Variants in CLEC4C observed in about 807,000 individuals in gnomAD.
The protein encoded by CLEC4C is C-type lectin domain family 4 member C.
CLEC4C carries 17 observed loss-of-function variants against 27.7 expected under a neutral mutation model. That is an observed-to-expected ratio of 0.61 (90% CI 0.42 to 0.92). The LOEUF (loss-of-function observed/expected upper bound fraction) is 0.92, where lower values mean the gene tolerates loss of function less well. CLEC4C is among the 40% of genes least tolerant of loss of function. The probability of loss-of-function intolerance (pLI) is 0.00; values close to 1 mark genes in which losing one functional copy is unlikely to be tolerated. For missense variants in CLEC4C, 244 were observed against 257.3 expected (o/e 0.95, Z 0.35); for synonymous variants, 80 against 80.8 (o/e 0.99, Z 0.06).
intron 4 of CLEC4C, among the ~76,000 whole-genome samples, chr12:7,732,689 G>A (rs1371042066): frequency 6.6e-6 from 1 of 151,762 alleles, no homozygotes; most frequent in African/African-American, 2.4e-5. Flanking sequence ...ATGGCCAGGT[G>A]TGGTGGTTCA....
At chr12:7,737,385 G>T in intron 4 of CLEC4C, 44 bp downstream of exon 4, 1 of 1,389,996 alleles carries the variant, frequency 7.2e-7, no homozygotes, top group Non-Finnish European at 9.6e-7. Context: ...TATCAGTTAA[G>T]AAAGGAAACA....
chr12:7,733,287 G>A (rs1475104120), intron 4 of CLEC4C, among the ~76,000 whole-genome samples: 2 of 150,164 alleles, frequency 1.3e-5, no homozygotes, highest in Non-Finnish European at 3.0e-5. Flanking sequence ...TTTTGGAGGT[G>A]GAGTCTTGGT....
chr12:7,735,590 AG>A (rs1326808184), intron 4 of CLEC4C, among the ~76,000 whole-genome samples: 7 of 151,558 alleles, frequency 4.6e-5, no homozygotes, highest in African/African-American at 1.7e-4. Flanking sequence ...GCAGATCACG[AG>A]GTCAGGAGTT....
chr12:7,746,424 C>G lies in CLEC4C; in HGVS notation c.32-1G>C. On this transcript the variant is annotated splice_acceptor_variant, in intron 1 of 5. Transcript: ENST00000360345. LOFTEE classifies it high-confidence loss of function. The stretch of plus-strand genomic sequence containing the variant: ...AACTGGAACCACCAGAGTCCTTTCT[C>G]TGTCAGATCAGCATGACAAATGCAC... The G allele has an allele frequency of 6.2e-7, 1 of 1,605,398 alleles. No individual in the cohort carries two copies. The highest frequency in any genetic ancestry group is 8.5e-7 in the Non-Finnish European group (1 of 1,172,340).
chr12:7,741,558 CTCAT>C, intron 2 of CLEC4C, 27 bp from the exon 3 acceptor site: 1 of 1,248,644 alleles, frequency 8.0e-7, no homozygotes, highest in Non-Finnish European at 1.2e-6. Context: ...GGAGTTAGTT[CTCAT>C]TCTTTTAAGT....
rs190207905 is a variant in CLEC4C at position 7,736,819 on chromosome 12, T to C, written c.381+610A>G. 3.2e-3 allele frequency among the ~76,000 whole-genome samples: 493 copies of C among 151,836 alleles called. 1 individual carries two copies. Among genetic ancestry groups the C allele is most frequent in the African/African-American group, 0.011 (461 of 41,416 alleles). On this transcript the variant is annotated intron_variant, in intron 4 of 5. Transcript: ENST00000360345. Reference sequence around the variant, plus strand: ...AGCTACTTGGGAGGCAGGAGAATGGTGTGAACCCGGGAGGCTGAGCTTGCA... The same window carrying C: ...AGCTACTTGGGAGGCAGGAGAATGGCGTGAACCCGGGAGGCTGAGCTTGCA...
At chr12:7,733,481 CT>C (rs762051121) in intron 4 of CLEC4C, among the ~76,000 whole-genome samples, 197 of 119,822 alleles carry the variant, frequency 1.6e-3, no homozygotes, top group African/African-American at 2.1e-3. Context: ...CCAAGCTGGT[CT>C]TTTTTTTTTT....
At chr12:7,739,452 A>G (rs758169263) in intron 3 of CLEC4C, among the ~76,000 whole-genome samples, 1 of 147,688 alleles carries the variant, frequency 6.8e-6, no homozygotes, top group South Asian at 2.2e-4. Flanking sequence ...CTTTGGGTCC[A>G]TATTTCCTTC....
At position 7,737,613 on chromosome 12, in the gene CLEC4C, G is replaced by T. The variant is rs778091176; in HGVS notation, c.236-39C>A. ...TATAGAAGAAGAAAAAATATTAACA[G>T]AGAATTCTCCTCACATAAAGTTATA... is the stretch of plus-strand genomic sequence containing the variant. On this transcript the variant is annotated intron_variant, in intron 3 of 5. Coordinates refer to ENST00000360345, the MANE Select transcript of CLEC4C (RefSeq NM_001371390.1). The T allele has an allele frequency of 1.9e-6, 3 of 1,579,072 alleles. No individual in the cohort carries two copies. In the South Asian group the frequency reaches 3.4e-5, roughly 18 times the overall value.
chr12:7,733,606 C>A (rs1864650104), intron 4 of CLEC4C, among the ~76,000 whole-genome samples: 1 of 151,270 alleles, frequency 6.6e-6, no homozygotes, highest in Non-Finnish European at 1.5e-5. Flanking sequence ...CTCAGCCTCC[C>A]GAGTAGCTGG....
chr12:7,730,373 G>A (rs944890922), intron 5 of CLEC4C, among the ~76,000 whole-genome samples: 5 of 152,174 alleles, frequency 3.3e-5, no homozygotes, highest in African/African-American at 1.2e-4. Flanking sequence ...GGGGATGGTG[G>A]CTCACACCTG....
chr12:7,732,355 T>A (rs1458790320), intron 4 of CLEC4C, among the ~76,000 whole-genome samples: 2 of 150,250 alleles, frequency 1.3e-5, no homozygotes, highest in African/African-American at 2.5e-5. Flanking sequence ...TTTTTATTTT[T>A]TTTATTTATT....
chr12:7,740,871 C>T (rs898354299), intron 3 of CLEC4C, among the ~76,000 whole-genome samples: 15 of 149,766 alleles, frequency 1.0e-4, no homozygotes, highest in Admixed American at 4.7e-4. Context: ...GACGGAGTCT[C>T]GCTCTGTCAC....
intron 4 of CLEC4C, 54 bp from the exon 5 acceptor site, chr12:7,730,966 TG>T (rs1864584096): frequency 1.2e-6 from 1 of 850,992 alleles, no homozygotes; most frequent in Non-Finnish European, 2.0e-6. Context: ...CACCCTCATC[TG>T]GGACGAACAC....
At chr12:7,735,440 T>A (rs1864701044) in intron 4 of CLEC4C, among the ~76,000 whole-genome samples, 1 of 146,992 alleles carries the variant, frequency 6.8e-6, no homozygotes, top group South Asian at 2.2e-4. Context: ...GAAGCAGAGG[T>A]TGCAGTAAGC....
Position 7,729,555 on chromosome 12 carries a change from T to C in CLEC4C, c.*41A>G. ...AAATCAATTTAGCTTTCTACAACGG[T>C]GGATGCCAACCCAAACACATTTCCA... On this transcript the variant is annotated 3_prime_UTR_variant, in exon 6 of 6. Transcript: ENST00000360345. 1.3e-6 allele frequency: 2 copies of C among 1,590,454 alleles called. No homozygotes were observed. Among genetic ancestry groups the C allele is most frequent in the Non-Finnish European group, 1.7e-6 (2 of 1,164,598 alleles).
chr12:7,743,017 C>G (rs997345807), intron 2 of CLEC4C, among the ~76,000 whole-genome samples: 1 of 151,954 alleles, frequency 6.6e-6, no homozygotes, highest in Non-Finnish European at 1.5e-5. Flanking sequence ...AGTTTACATA[C>G]GTATATATCT....
At chr12:7,734,126 G>C (rs1442239609) in intron 4 of CLEC4C, among the ~76,000 whole-genome samples, 4 of 152,156 alleles carry the variant, frequency 2.6e-5, no homozygotes, top group African/African-American at 9.7e-5. Flanking sequence ...GAATGTACAT[G>C]AACATATACG....
At chr12:7,746,490 C>T in intron 1 of CLEC4C, 67 bp from the exon 2 acceptor site, 1 of 982,000 alleles carries the variant, frequency 1.0e-6, no homozygotes, top group South Asian at 1.4e-5. Context: ...AAACCAGAGT[C>T]CCAAAAATCT....
Sources: gnomAD v4.1 joint callset for allele counts (sites outside exome capture counted in the v4.1 genomes callset) on GRCh38, gnomAD v4.1.1 for gene constraint, MANE v1.5 for transcripts, NCBI Gene and HGNC (gene_info 2026-07-23, HGNC 2026-07-21) for gene names.